ULK2: variants seen among roughly 807,000 people sequenced by gnomAD.
The protein encoded by ULK2 is serine/threonine-protein kinase ULK2.
A neutral mutation model predicts 127.5 loss-of-function variants in ULK2; 76 were observed. That is an observed-to-expected ratio of 0.60 (90% CI 0.50 to 0.72). The LOEUF (loss-of-function observed/expected upper bound fraction) is 0.72, where lower values mean the gene tolerates loss of function less well. Among genes scored for constraint, ULK2 ranks in the 30% least tolerant of loss-of-function variants. The pLI is 0.00. For missense variants in ULK2, 1,144 were observed against 1,295.9 expected, an observed-to-expected ratio of 0.88 and a Z score of 1.80; for synonymous variants, 452 against 461.9, an observed-to-expected ratio of 0.98 and a Z score of 0.28.
At position 19,799,564 on chromosome 17, in the gene ULK2, G is replaced by A. The variant is rs543809400; in HGVS notation, c.1453C>T (p.Pro485Ser). The A allele has an allele frequency of 4.2e-6, 6 of 1,426,578 alleles. No homozygotes were observed. In the African/African-American group the frequency reaches 8.9e-5, roughly 21 times the overall value. 88.4% of individuals were successfully genotyped at this position (1,426,578 alleles called of 1,614,324 possible). Residue 485 changes from proline to serine, a missense_variant, in exon 17 of 27, where the codon CCT (proline) becomes TCT (serine). Pro to Ser is a moderately conservative substitution (Grantham distance 74). Transcript: ENST00000395544. ...CAGCAGCACTGACTGAATTGCTCAG[G>A]AATGGTACCAACTACAAAAAAAAAA... ...YSPSPLVGTIPEQFSQCCCGH... is the reference protein window; with the variant it reads ...YSPSPLVGTISEQFSQCCCGH...
In ULK2 at chr17:19,849,751, C is replaced by CA; in HGVS notation, c.248dup (p.Leu83PhefsTer23). The CA allele has an allele frequency of 1.3e-6, 2 of 1,539,898 alleles. No individual in the cohort carries two copies. Among genetic ancestry groups the CA allele is most frequent in the Admixed American group, 2.0e-5 (1 of 49,064 alleles). ...TTTGTATACTACCTACCTCCATCAC[C>CA]AAAAAGACAGAGTTGGGTAATTCCT... On this transcript the variant is annotated frameshift_variant, in exon 4 of 27. Coordinates refer to ENST00000395544, the MANE Select transcript of ULK2 (RefSeq NM_014683.4). LOFTEE classifies it high-confidence loss of function.
At position 19,831,846 on chromosome 17, in the gene ULK2, C is replaced by A. The variant is rs192016991; in HGVS notation, c.788-5660G>T. ...TGTCTCAAAAAAAAGAAGAAATAGG[C>A]CAGGCATGGTGGCTCACACTTGTAA... On this transcript the variant is annotated intron_variant, in intron 10 of 26. Transcript: ENST00000395544. Among the ~76,000 whole-genome samples, 843 of 151,084 alleles carry A rather than the reference C, an allele frequency of 5.6e-3. 4 individuals carry two copies. The highest frequency in any genetic ancestry group is 0.014 in the Middle Eastern group (4 of 284).
At chr17:19,844,902 C>T (rs985702545) in intron 7 of ULK2, among the ~76,000 whole-genome samples, 1 of 152,158 alleles carries the variant, frequency 6.6e-6, no homozygotes, top group African/African-American at 2.4e-5. Flanking sequence ...ACATCTACAA[C>T]ACAGGGATCC....
intron 20 of ULK2, among the ~76,000 whole-genome samples, chr17:19,786,669 A>G (rs561374232): frequency 9.3e-4 from 141 of 151,120 alleles, no homozygotes; most frequent in Admixed American, 2.5e-3. Flanking sequence ...AGCTGAGATC[A>G]TGCCACTGCA....
At position 19,852,633 on chromosome 17, in the gene ULK2, A is replaced by ATT. The variant is rs777899834; in HGVS notation, c.226-2861_226-2860dup. Among the ~76,000 whole-genome samples, 225 of 143,442 alleles carry ATT rather than the reference A, an allele frequency of 1.6e-3. 1 individual carries two copies. Among genetic ancestry groups the ATT allele is most frequent in the African/African-American group, 5.5e-3 (213 of 39,068 alleles). The allele number at this position is 143,442 out of a possible 152,430, so 94.1% of individuals were successfully genotyped here. On this transcript the variant is annotated intron_variant, in intron 3 of 26. Transcript: ENST00000395544. ...GTAATTTAAAAAAACAATAAAGTAA[A>ATT]TTTTTTTTTTTTTTTGAGACAGATT... is the stretch of plus-strand genomic sequence containing the variant.
intron 20 of ULK2, among the ~76,000 whole-genome samples, chr17:19,793,629 A>G (rs1252544966): frequency 6.6e-6 from 1 of 152,204 alleles, no homozygotes; most frequent in Non-Finnish European, 1.5e-5. Context: ...GTGTATAGGG[A>G]AACCCAAAGA....
chr17:19,859,084 G>C (rs1462426937), intron 3 of ULK2, among the ~76,000 whole-genome samples: 1 of 152,202 alleles, frequency 6.6e-6, no homozygotes, highest in Non-Finnish European at 1.5e-5. Context: ...TAGTCCAGCA[G>C]TTCGAGACCA....
chr17:19,819,550 T>C (rs1438815805), intron 12 of ULK2, among the ~76,000 whole-genome samples: 1 of 152,122 alleles, frequency 6.6e-6, no homozygotes, highest in Non-Finnish European at 1.5e-5. Context: ...AGAATGATGG[T>C]TCCTACTTTT....
chr17:19,781,290 G>A (rs1396678320), intron 23 of ULK2, among the ~76,000 whole-genome samples, 186 bp from the exon 24 acceptor site: 2 of 139,212 alleles, frequency 1.4e-5, no homozygotes, highest in African/African-American at 2.7e-5. Flanking sequence ...CCCCCAGGCC[G>A]AAGTATAGTG....
At chr17:19,814,726 T>C (rs768637523) in intron 13 of ULK2, among the ~76,000 whole-genome samples, 4 of 152,058 alleles carry the variant, frequency 2.6e-5, no homozygotes, top group Non-Finnish European at 5.9e-5. Context: ...TTTTAGTTTC[T>C]GTAGAGAAAG....
chr17:19,814,413 T>TACATAC lies in ULK2; in HGVS notation c.1096+2335_1096+2336insGTATGT, dbSNP rs1313093995. On this transcript the variant is annotated intron_variant, in intron 13 of 26. Coordinates refer to ENST00000395544, the MANE Select transcript of ULK2 (RefSeq NM_014683.4). ...ACAAGAATGTCTGTTATTATATACA[T>TACATAC]ATATATATATATATATATATATATA... is the stretch of plus-strand genomic sequence containing the variant. Among the ~76,000 whole-genome samples the TACATAC allele has an allele frequency of 5.0e-3, 171 of 34,260 alleles. 1 individual carries two copies. The highest frequency in any genetic ancestry group is 0.022 in the African/African-American group (162 of 7,368). The allele number at this position is 34,260 out of a possible 152,430, so 22.5% of individuals were successfully genotyped here. A position where few individuals can be genotyped will look rare whatever the true frequency, so the allele number is the denominator to read the frequency against.
chr17:19,824,483 G>C (rs1002820633), intron 12 of ULK2, among the ~76,000 whole-genome samples: 4 of 133,232 alleles, frequency 3.0e-5, no homozygotes, highest in African/African-American at 1.1e-4. Flanking sequence ...AAGCCTAAGA[G>C]AAGAGTGGAG....
chr17:19,808,339 T>C (rs561404304), intron 14 of ULK2, among the ~76,000 whole-genome samples: 7 of 151,980 alleles, frequency 4.6e-5, no homozygotes, highest in East Asian at 1.9e-4. Flanking sequence ...GACAAAAACA[T>C]AGAGGGAAAG....
At chr17:19,814,671 A>C (rs2152389809) in intron 13 of ULK2, among the ~76,000 whole-genome samples, 1 of 151,840 alleles carries the variant, frequency 6.6e-6, no homozygotes, top group African/African-American at 2.4e-5. Flanking sequence ...TTCAGCCCCC[A>C]GAGAAGCTCT....
At chr17:19,831,615 G>A (rs769515587) in intron 10 of ULK2, among the ~76,000 whole-genome samples, 1 of 151,942 alleles carries the variant, frequency 6.6e-6, no homozygotes, top group Non-Finnish European at 1.5e-5. Context: ...ACTTGAGGTT[G>A]GGGGTTCAAG....
chr17:19,844,500 A>AC (rs2041834663), intron 7 of ULK2, among the ~76,000 whole-genome samples: 1 of 152,110 alleles, frequency 6.6e-6, no homozygotes, highest in Non-Finnish European at 1.5e-5. Flanking sequence ...CAGCCAAAGC[A>AC]CTCTAACCTC....
chr17:19,788,667 G>A (rs1162662387), intron 20 of ULK2, among the ~76,000 whole-genome samples: 3 of 152,076 alleles, frequency 2.0e-5, no homozygotes, highest in African/African-American at 7.2e-5. Context: ...GGCTCTTGGG[G>A]TTCCCAAGTC....
At chr17:19,801,272 G>C (rs2087391118) in intron 16 of ULK2, among the ~76,000 whole-genome samples, 1 of 152,068 alleles carries the variant, frequency 6.6e-6, no homozygotes, top group Non-Finnish European at 1.5e-5. Context: ...TTTATACAGA[G>C]ATTCTCAAAA....
At chr17:19,780,081 G>A (rs2086886964) in intron 25 of ULK2, among the ~76,000 whole-genome samples, 1 of 151,892 alleles carries the variant, frequency 6.6e-6, no homozygotes, top group Admixed American at 6.6e-5. Context: ...AGCTGAGGCA[G>A]GAGAATCACT....
Sources: allele counts gnomAD v4.1 joint callset (sites outside exome capture counted in the v4.1 genomes callset), GRCh38; gene constraint gnomAD v4.1.1; transcripts MANE v1.5; gene names NCBI Gene and HGNC (gene_info 2026-07-23, HGNC 2026-07-21).